The following GRM8 variants were observed in gnomAD, a reference collection of about 807,000 sequenced individuals.
GRM8 encodes the protein glutamate metabotropic receptor 8, also known as metabotropic glutamate receptor 8.
A neutral mutation model predicts 87.2 loss-of-function variants in GRM8; 47 were observed. The ratio of observed to expected loss-of-function variants is 0.54; its 90% CI spans 0.43 to 0.69. GRM8 has a LOEUF of 0.69. Among genes scored for constraint, GRM8 ranks in the 30% least tolerant of loss-of-function variants. The pLI, the probability that GRM8 is intolerant of heterozygous loss-of-function variation, is 0.00. For missense variants in GRM8, 1,019 were observed against 1,139.2 expected (o/e 0.89, Z 1.52); for synonymous variants, 396 against 404.5 (o/e 0.98, Z 0.25).
chr7:126,806,897 C>T (rs11981611), intron 6 of GRM8, among the ~76,000 whole-genome samples: 3,368 of 152,300 alleles, frequency 0.022, 133 homozygotes, highest in African/African-American at 0.077. Context: ...CACCTCCCCG[C>T]GAGCAGAGGG....
intron 6 of GRM8, among the ~76,000 whole-genome samples, chr7:126,785,600 G>A (rs954259577): frequency 6.6e-6 from 1 of 151,904 alleles, no homozygotes; most frequent in East Asian, 1.9e-4. Context: ...TAAAAGACCC[G>A]GGTCTTTTAA....
intron 2 of GRM8, among the ~76,000 whole-genome samples, chr7:127,199,978 T>C (rs148413901): frequency 6.6e-6 from 1 of 152,332 alleles, no homozygotes; most frequent in Non-Finnish European, 1.5e-5. Flanking sequence ...GAAGTATTTA[T>C]CATATATATT....
intron 7 of GRM8, among the ~76,000 whole-genome samples, chr7:126,733,577 A>G (rs1813853317): frequency 6.6e-6 from 1 of 151,676 alleles, no homozygotes; most frequent in Non-Finnish European, 1.5e-5. Context: ...ATTATATTAA[A>G]AACAATATAC....
intron 9 of GRM8, among the ~76,000 whole-genome samples, chr7:126,459,346 A>G (rs1563028715): frequency 1.4e-5 from 2 of 144,504 alleles, no homozygotes; most frequent in African/African-American, 5.1e-5. Context: ...GACTGACAGA[A>G]TGATGATGAC....
intron 3 of GRM8, among the ~76,000 whole-genome samples, chr7:127,045,317 T>C (rs1276877772): frequency 6.6e-6 from 1 of 152,044 alleles, no homozygotes; most frequent in Admixed American, 6.6e-5. Flanking sequence ...TGGAGTTTTT[T>C]TTTTTTCAGT....
rs751281178 is a variant in GRM8 at position 127,242,928 on chromosome 7, G to T, written c.277C>A (p.Leu93Ile). ...IDQINKDPDL[L>I]SNITLGVRIL... ...CGGACACCCAGAGTGATGTTGGAAAGGAGATCAGGGTCCTTGTTAATCTGG... is the reference window on the plus strand; with the variant it reads ...CGGACACCCAGAGTGATGTTGGAAATGAGATCAGGGTCCTTGTTAATCTGG... Residue 93 changes from leucine to isoleucine, a missense_variant, in exon 2 of 11, where the codon CTT (leucine) becomes ATT (isoleucine). Physicochemically the swap from Leu to Ile is conservative, Grantham distance 5. Coordinates refer to ENST00000339582, the MANE Select transcript of GRM8 (RefSeq NM_000845.3). The T allele has an allele frequency of 1.2e-4, 195 of 1,614,048 alleles. No individual in the cohort carries two copies. Among genetic ancestry groups the T allele is most frequent in the Non-Finnish European group, 1.6e-4 (191 of 1,180,024 alleles).
chr7:126,846,563 AC>A (rs1796727083), intron 6 of GRM8, among the ~76,000 whole-genome samples: 1 of 152,256 alleles, frequency 6.6e-6, no homozygotes, highest in South Asian at 2.1e-4. Context: ...GAACTTTGTA[AC>A]CCTGGAGTTG....
chr7:126,988,966 C>A (rs1182366028), intron 3 of GRM8, among the ~76,000 whole-genome samples: 1 of 152,126 alleles, frequency 6.6e-6, no homozygotes, highest in East Asian at 1.9e-4. Flanking sequence ...TTCTATAGTA[C>A]TGGGGCCAAA....
intron 6 of GRM8, among the ~76,000 whole-genome samples, chr7:126,831,478 C>T (rs1170387490): frequency 6.6e-6 from 1 of 152,220 alleles, no homozygotes; most frequent in Non-Finnish European, 1.5e-5. Context: ...ATGAGAGAGA[C>T]TCCGTGGGCG....
At chr7:126,756,614 G>C (rs531852974) in intron 7 of GRM8, among the ~76,000 whole-genome samples, 1 of 152,146 alleles carries the variant, frequency 6.6e-6, no homozygotes, top group Admixed American at 6.6e-5. Context: ...AAAAGACATG[G>C]AGGAAACCCA....
At chr7:126,733,979 A>G (rs1276911467) in intron 7 of GRM8, among the ~76,000 whole-genome samples, 1 of 152,080 alleles carries the variant, frequency 6.6e-6, no homozygotes, top group Non-Finnish European at 1.5e-5. Flanking sequence ...TAAAAGTGCT[A>G]CTTAAAAATT....
At chr7:126,474,378 C>T (rs1805653964) in intron 9 of GRM8, among the ~76,000 whole-genome samples, 1 of 152,150 alleles carries the variant, frequency 6.6e-6, no homozygotes, top group South Asian at 2.1e-4. Context: ...AAGCAATCCT[C>T]TCACCTCAGC....
At chr7:126,889,169 A>G (rs1313832852) in intron 6 of GRM8, among the ~76,000 whole-genome samples, 1 of 152,144 alleles carries the variant, frequency 6.6e-6, no homozygotes, top group Non-Finnish European at 1.5e-5. Context: ...GAGCAATTTG[A>G]GTGACCTTTG....
In GRM8 at chr7:126,487,369, G is replaced by A. The variant is rs576116824; in HGVS notation, c.2431-40997C>T. Among the ~76,000 whole-genome samples the A allele has an allele frequency of 5.9e-5, 9 of 151,848 alleles. No homozygotes were observed. In the South Asian group the frequency reaches 1.0e-3, roughly 18 times the overall value. On this transcript the variant is annotated intron_variant, in intron 9 of 10. Transcript: ENST00000339582. ...TAGATTCAAACTCCTGGGCTCAAGC[G>A]GTCCCTGTTCTCAACCTCCCAAGTA...
chr7:127,096,975 T>C (rs1189244281), intron 3 of GRM8, among the ~76,000 whole-genome samples: 3 of 152,160 alleles, frequency 2.0e-5, no homozygotes, highest in African/African-American at 7.2e-5. Context: ...GAGCAAACCT[T>C]ACCCCCAGAC....
chr7:126,684,138 G>GA (rs969866850), intron 7 of GRM8, among the ~76,000 whole-genome samples: 10 of 151,902 alleles, frequency 6.6e-5, no homozygotes, highest in Non-Finnish European at 7.4e-5. Context: ...ACGTGAGAAA[G>GA]AAAAAAAATC....
At chr7:127,158,769 G>A (rs2116193540) in intron 2 of GRM8, among the ~76,000 whole-genome samples, 1 of 151,952 alleles carries the variant, frequency 6.6e-6, no homozygotes, top group East Asian at 1.9e-4. Flanking sequence ...ATTCGTAGGG[G>A]GACACAAACA....
intron 7 of GRM8, among the ~76,000 whole-genome samples, chr7:126,719,778 T>C (rs1812164210): frequency 6.7e-6 from 1 of 148,840 alleles, no homozygotes; most frequent in Admixed American, 6.7e-5. Flanking sequence ...AGACAGAGAC[T>C]TGAAGAGTGG....
chr7:126,924,066 T>C (rs1413419147), intron 3 of GRM8, among the ~76,000 whole-genome samples: 1 of 152,100 alleles, frequency 6.6e-6, no homozygotes, highest in Non-Finnish European at 1.5e-5. Context: ...CAACAGCAAA[T>C]GGGCCACCTA....
Sources: gnomAD v4.1 joint callset for allele counts (sites outside exome capture counted in the v4.1 genomes callset) on GRCh38, gnomAD v4.1.1 for gene constraint, MANE v1.5 for transcripts, NCBI Gene and HGNC (gene_info 2026-07-23, HGNC 2026-07-21) for gene names.